BABAM2: variants seen among roughly 807,000 people sequenced by gnomAD.
BABAM2 encodes the protein BRISC and BRCA1-A complex member 2.
Under a neutral mutation model 54.7 loss-of-function variants are expected in BABAM2, and 31 were observed. The ratio of observed to expected loss-of-function variants is 0.57; its 90% confidence interval spans 0.43 to 0.77. The LOEUF (loss-of-function observed/expected upper bound fraction) is 0.77, where lower values mean the gene tolerates loss of function less well. Ranked by LOEUF, BABAM2 falls within the 30% of genes least tolerant of loss-of-function variation. The pLI is 0.00. For synonymous variants in BABAM2, 167 were observed against 162.9 expected, an observed-to-expected ratio of 1.03 and a Z score of -0.19; for missense variants, 364 against 455.8, an observed-to-expected ratio of 0.80 and a Z score of 1.83.
intron 4 of BABAM2, among the ~76,000 whole-genome samples, chr2:28,023,769 T>C (rs945924006): frequency 6.6e-6 from 1 of 152,190 alleles, no homozygotes; most frequent in Non-Finnish European, 1.5e-5. Flanking sequence ...AAAAAATGCA[T>C]TCCTTTACTT....
intron 8 of BABAM2, among the ~76,000 whole-genome samples, chr2:28,238,422 T>A (rs1053156535): frequency 2.0e-5 from 3 of 152,228 alleles, no homozygotes; most frequent in Non-Finnish European, 4.4e-5. Flanking sequence ...TGTTGACTTG[T>A]TCACATTGGC....
chr2:27,930,864 C>G (rs1668042062), intron 3 of BABAM2, among the ~76,000 whole-genome samples: 1 of 152,212 alleles, frequency 6.6e-6, no homozygotes, highest in Non-Finnish European at 1.5e-5. Flanking sequence ...AATTTTCTCT[C>G]TTGAACCTAT....
Position 28,252,749 on chromosome 2 carries a change from T to C in BABAM2, c.934+7887T>C, listed in dbSNP as rs1683614348. 1.3e-5 allele frequency among the ~76,000 whole-genome samples: 2 copies of C among 152,338 alleles called. 1 individual carries two copies. The highest frequency in any genetic ancestry group is 4.1e-4 in the South Asian group (2 of 4,824). The stretch of plus-strand genomic sequence containing the variant: ...TCACTTGCACAATCATGCAATGAAT[T>C]TTTCCCCTGTACCCTCTTATATATG... On this transcript the variant is annotated intron_variant, in intron 10 of 11. Coordinates refer to ENST00000379624, the MANE Select transcript of BABAM2 (RefSeq NM_199191.3).
intron 11 of BABAM2, among the ~76,000 whole-genome samples, chr2:28,301,213 G>C (rs1688084335): frequency 6.6e-6 from 1 of 152,232 alleles, no homozygotes; most frequent in Admixed American, 6.5e-5. Flanking sequence ...ATGAACAGCA[G>C]TGGAGCCTTT....
chr2:28,134,445 G>C (rs1670366887), intron 7 of BABAM2: 1 of 152,236 alleles, frequency 6.6e-6, no homozygotes, highest in South Asian at 2.1e-4. Context: ...AGTCTGCATA[G>C]CACTCTTCCA....
chr2:27,955,373 CCAGGAAG>C (rs1239001978), intron 3 of BABAM2, among the ~76,000 whole-genome samples: 2 of 152,282 alleles, frequency 1.3e-5, no homozygotes, highest in South Asian at 4.1e-4. Context: ...CTTCCTAAGG[CCAGGAAG>C]CACACTATTG....
intron 6 of BABAM2, among the ~76,000 whole-genome samples, chr2:28,121,779 T>C (rs1190413840): frequency 6.6e-6 from 1 of 152,188 alleles, no homozygotes; most frequent in East Asian, 1.9e-4. Context: ...GAGAGTCTTA[T>C]TCTCTCCCAC....
At chr2:28,223,818 A>G (rs1397014471) in intron 7 of BABAM2, among the ~76,000 whole-genome samples, 4 of 152,190 alleles carry the variant, frequency 2.6e-5, no homozygotes, top group Non-Finnish European at 4.4e-5. Flanking sequence ...TTTAGTCCAT[A>G]TCAGAACCAG....
chr2:27,938,547 A>G (rs2148374043), intron 3 of BABAM2, among the ~76,000 whole-genome samples: 1 of 151,876 alleles, frequency 6.6e-6, no homozygotes, highest in East Asian at 1.9e-4. Context: ...ACGTGTCACA[A>G]CACCCAGCTA....
chr2:28,281,548 A>C (rs538663045), intron 10 of BABAM2, among the ~76,000 whole-genome samples: 1 of 152,314 alleles, frequency 6.6e-6, no homozygotes, highest in South Asian at 2.1e-4. Context: ...CAGAATGAAG[A>C]GTACTCAAAG....
At chr2:28,217,888 T>G (rs1222020716) in intron 7 of BABAM2, among the ~76,000 whole-genome samples, 1 of 152,186 alleles carries the variant, frequency 6.6e-6, no homozygotes, top group Non-Finnish European at 1.5e-5. Context: ...TGAACTCATA[T>G]TTTCTTTCTT....
Position 28,295,286 on chromosome 2 carries a change from T to C in BABAM2, c.935-3052T>C, listed in dbSNP as rs143142581. Among the ~76,000 whole-genome samples, 470 of 152,290 alleles carry C rather than the reference T, an allele frequency of 3.1e-3. 4 individuals carry two copies. The highest frequency in any genetic ancestry group is 0.01 in the African/African-American group (432 of 41,556). On this transcript the variant is annotated intron_variant, in intron 10 of 11. Transcript: ENST00000379624. Reference sequence around the variant, plus strand: ...CACATAGCCTGTGGTATTATCTGCATTGCTTTGGATACTGAGTGATGACTG... The same window carrying C: ...CACATAGCCTGTGGTATTATCTGCACTGCTTTGGATACTGAGTGATGACTG...
chr2:28,208,029 CTGTG>C (rs4043353), intron 7 of BABAM2, among the ~76,000 whole-genome samples: 100,441 of 149,640 alleles, frequency 0.67, 35,533 homozygotes, highest in East Asian at 0.89. Context: ...GTGTTAAAGG[CTGTG>C]TGTGTGTGTG....
chr2:27,971,312 G>T (rs1043660011), intron 3 of BABAM2, among the ~76,000 whole-genome samples: 2 of 152,040 alleles, frequency 1.3e-5, no homozygotes, highest in Admixed American at 6.6e-5. Flanking sequence ...ATTAATAAAT[G>T]AAAATTTTAT....
intron 10 of BABAM2, among the ~76,000 whole-genome samples, chr2:28,272,468 G>A (rs1685498446): frequency 6.6e-6 from 1 of 152,170 alleles, no homozygotes; most frequent in Non-Finnish European, 1.5e-5. Context: ...TGCAAGATAA[G>A]AGGAACGCGA....
intron 7 of BABAM2, chr2:28,134,357 G>A (rs1670358062): frequency 6.6e-6 from 1 of 152,220 alleles, no homozygotes; most frequent in East Asian, 1.9e-4. Flanking sequence ...GAGCTGGCGT[G>A]AAACATGCTC....
chr2:28,178,902 A>G (rs1464425168), intron 7 of BABAM2, among the ~76,000 whole-genome samples: 4 of 152,160 alleles, frequency 2.6e-5, no homozygotes, highest in Non-Finnish European at 5.9e-5. Context: ...AAATAGATAC[A>G]TTCCTGGACA....
chr2:28,165,008 CTTAT>C, intron 7 of BABAM2, among the ~76,000 whole-genome samples: 1 of 152,274 alleles, frequency 6.6e-6, no homozygotes, highest in East Asian at 1.9e-4. Context: ...CATGTTTTCA[CTTAT>C]TTTTTCATTT....
At chr2:28,260,941 C>CTTTTTTTTT (rs34766123) in intron 10 of BABAM2, among the ~76,000 whole-genome samples, 2 of 110,774 alleles carry the variant, frequency 1.8e-5, no homozygotes, top group Non-Finnish European at 1.9e-5. Context: ...CATTTTCTTT[C>CTTTTTTTTT]TTTTTTTTTT....
Sources: allele counts gnomAD v4.1 joint callset (sites outside exome capture counted in the v4.1 genomes callset), GRCh38; gene constraint gnomAD v4.1.1; transcripts MANE v1.5; gene names NCBI Gene and HGNC (gene_info 2026-07-23, HGNC 2026-07-21).